NPAS3: variants seen among roughly 807,000 people sequenced by gnomAD.
NPAS3 encodes neuronal PAS domain protein 3.
In NPAS3, 14 loss-of-function variants were observed where a neutral mutation model predicts 73.1. That is an observed-to-expected ratio of 0.19 (90% CI 0.13 to 0.30). NPAS3 has a LOEUF of 0.30. Among genes scored for constraint, NPAS3 ranks in the 10% least tolerant of loss-of-function variants. The pLI is 1.00. For missense variants in NPAS3, 1,096 were observed against 1,250.0 expected (o/e 0.88, Z 1.86); for synonymous variants, 620 against 541.5 (o/e 1.14, Z -2.01).
At chr14:33,373,530 G>A (rs1052174316) in intron 4 of NPAS3, among the ~76,000 whole-genome samples, 1 of 151,972 alleles carries the variant, frequency 6.6e-6, no homozygotes, top group African/African-American at 2.4e-5. Context: ...AGTTTTGTGA[G>A]TTGGATAAGT....
intron 2 of NPAS3, among the ~76,000 whole-genome samples, chr14:33,064,075 C>T (rs192276424): frequency 6.6e-6 from 1 of 152,074 alleles, no homozygotes; most frequent in Admixed American, 6.6e-5. Context: ...ACAGTATTGC[C>T]TTAAAGGAGA....
intron 4 of NPAS3, among the ~76,000 whole-genome samples, chr14:33,448,709 A>T (rs2049638216): frequency 6.6e-6 from 1 of 152,204 alleles, no homozygotes; most frequent in Non-Finnish European, 1.5e-5. Flanking sequence ...CTCTGCCATC[A>T]TCTGGATCCA....
intron 3 of NPAS3, among the ~76,000 whole-genome samples, chr14:33,284,848 T>C (rs2041808630): frequency 6.6e-6 from 1 of 152,068 alleles, no homozygotes; most frequent in African/African-American, 2.4e-5. Flanking sequence ...GTAGTAGTTA[T>C]AAGCTCCCTC....
chr14:33,322,822 C>T (rs1003335846), intron 3 of NPAS3, among the ~76,000 whole-genome samples: 1 of 152,070 alleles, frequency 6.6e-6, no homozygotes, highest in Non-Finnish European at 1.5e-5. Flanking sequence ...TGGTGTAGGA[C>T]ATCCTTCCCC....
intron 4 of NPAS3, among the ~76,000 whole-genome samples, chr14:33,399,577 C>T (rs2047363402): frequency 6.6e-6 from 1 of 151,996 alleles, no homozygotes. Flanking sequence ...AGGAAGTAAA[C>T]ATTACAGAGA....
chr14:33,480,551 TCCTCCCTC>T (rs1307254736), intron 4 of NPAS3, among the ~76,000 whole-genome samples: 15 of 16,428 alleles, frequency 9.1e-4, no homozygotes, highest in African/African-American at 1.4e-3. Context: ...CCCCCACCCT[TCCTCCCTC>T]CCTCCCTCCC....
intron 2 of NPAS3, among the ~76,000 whole-genome samples, chr14:33,146,952 A>G (rs1309580912): frequency 2.0e-5 from 3 of 152,246 alleles, no homozygotes; most frequent in Admixed American, 2.0e-4. Flanking sequence ...TATTTCAAGG[A>G]ACCTTGCTAC....
intron 5 of NPAS3, among the ~76,000 whole-genome samples, chr14:33,666,499 G>T (rs142144155): frequency 6.6e-6 from 1 of 152,158 alleles, no homozygotes; most frequent in Non-Finnish European, 1.5e-5. Context: ...CAGAATGTTG[G>T]CCCCTACCCC....
At chr14:33,271,341 G>A (rs2041067749) in intron 3 of NPAS3, among the ~76,000 whole-genome samples, 2 of 152,180 alleles carry the variant, frequency 1.3e-5, no homozygotes, top group South Asian at 4.1e-4. Context: ...GAAAGGCAAA[G>A]GGAAAGAGAG....
chr14:33,601,661 G>A (rs928551223), intron 5 of NPAS3, among the ~76,000 whole-genome samples: 2 of 152,272 alleles, frequency 1.3e-5, no homozygotes, highest in East Asian at 1.9e-4. Context: ...TAAACCAAAG[G>A]CATCTTCTCT....
intron 2 of NPAS3, among the ~76,000 whole-genome samples, chr14:33,095,465 C>CTG (rs2042374517): frequency 6.6e-6 from 1 of 152,090 alleles, no homozygotes; most frequent in East Asian, 1.9e-4. Flanking sequence ...CGATGAACGC[C>CTG]TTTTCTCCTG....
upstream of NPAS3, chr14:32,935,041 C>A: frequency 8.1e-7 from 1 of 1,227,218 alleles, no homozygotes; most frequent in Non-Finnish European, 1.0e-6. Flanking sequence ...GTGCCCCCGC[C>A]CCGGGGTGCT....
At chr14:33,536,797 A>G (rs1007116578) in intron 4 of NPAS3, among the ~76,000 whole-genome samples, 4 of 152,186 alleles carry the variant, frequency 2.6e-5, no homozygotes, top group African/African-American at 7.2e-5. Context: ...ATGTTTACCA[A>G]TAAAATTATA....
chr14:33,590,838 C>T (rs541900138), intron 5 of NPAS3, among the ~76,000 whole-genome samples: 9 of 152,294 alleles, frequency 5.9e-5, no homozygotes, highest in East Asian at 3.9e-4. Flanking sequence ...TCATTGCTTT[C>T]GCTCATTCAT....
chr14:33,234,810 C>T (rs189438227), intron 3 of NPAS3, among the ~76,000 whole-genome samples: 1 of 152,224 alleles, frequency 6.6e-6, no homozygotes, highest in Admixed American at 6.5e-5. Flanking sequence ...GCTTGTATCA[C>T]TGTTCCTAGA....
chr14:33,730,158 A>C (rs545433529), intron 6 of NPAS3, among the ~76,000 whole-genome samples: 1 of 152,308 alleles, frequency 6.6e-6, no homozygotes, highest in Admixed American at 6.5e-5. Context: ...ACAGCATCAA[A>C]GTTAGACTCA....
chr14:33,314,512 A>G (rs547559113), intron 3 of NPAS3, among the ~76,000 whole-genome samples: 6 of 152,154 alleles, frequency 3.9e-5, no homozygotes, highest in African/African-American at 1.4e-4. Context: ...GTGAGGATCA[A>G]TACACGGTGG....
intron 2 of NPAS3, among the ~76,000 whole-genome samples, chr14:33,082,775 T>C (rs2041900287): frequency 6.6e-6 from 1 of 152,228 alleles, no homozygotes; most frequent in Non-Finnish European, 1.5e-5. Context: ...ATCCAAGTAA[T>C]AAAGTCTGCC....
chr14:33,425,823 CA>C (rs1322716122), intron 4 of NPAS3, among the ~76,000 whole-genome samples: 25 of 152,096 alleles, frequency 1.6e-4, no homozygotes, highest in African/African-American at 5.8e-4. Context: ...TGGTTTACAT[CA>C]GGGGTAATGA....
Sources: allele counts gnomAD v4.1 joint callset (sites outside exome capture counted in the v4.1 genomes callset), GRCh38; gene constraint gnomAD v4.1.1; transcripts MANE v1.5; gene names NCBI Gene and HGNC (gene_info 2026-07-23, HGNC 2026-07-21).